Variants in SNED1 observed in about 807,000 individuals in gnomAD.
SNED1 encodes sushi, nidogen and EGF-like domain-containing protein 1.
In SNED1, 81 loss-of-function variants were observed where a neutral mutation model predicts 166.7. That is an observed-to-expected ratio of 0.49 (90% CI 0.41 to 0.58). The LOEUF is 0.58. SNED1 is among the 20% of genes least tolerant of loss of function. The probability of loss-of-function intolerance (pLI) is 0.00; values close to 1 mark genes in which losing one functional copy is unlikely to be tolerated. For missense variants in SNED1, 1,604 were observed against 2,000.2 expected (o/e 0.80, Z 3.78); for synonymous variants, 762 against 822.0 (o/e 0.93, Z 1.25).
chr2:241,095,129 C>G lies in SNED1; in HGVS notation c.*3493C>G, dbSNP rs921308799. The G allele has an allele frequency of 2.6e-5, 4 of 152,122 alleles. No homozygotes were observed. The highest frequency in any genetic ancestry group is 9.7e-5 in the African/African-American group (4 of 41,310). The allele number at this position is 152,122 out of a possible 1,614,324, so 9.4% of individuals were successfully genotyped here. A position where few individuals can be genotyped will look rare whatever the true frequency, so the allele number is the denominator to read the frequency against. On this transcript the variant is annotated 3_prime_UTR_variant, in exon 32 of 32. Coordinates refer to ENST00000310397, the MANE Select transcript of SNED1 (RefSeq NM_001080437.3). ...TCCCTGTGGCCCTGGCTTCAGCCCA[C>G]CTGCTCCATGACCCTATGCTCTTCT...
At chr2:241,061,776 T>A (rs1273332614) in intron 16 of SNED1, among the ~76,000 whole-genome samples, 1 of 150,094 alleles carries the variant, frequency 6.7e-6, no homozygotes, top group African/African-American at 2.5e-5. Context: ...TCCCAGCTAC[T>A]CGGGAGGCGG....
rs1184692146 is a variant in SNED1, at chr2:241,087,397, A to G, written c.4127A>G (p.Lys1376Arg). The G allele has an allele frequency of 6.3e-7, 1 of 1,597,720 alleles. No homozygotes were observed. Among genetic ancestry groups the G allele is most frequent in the South Asian group, 1.1e-5 (1 of 87,964 alleles). The change falls in exon 30 of 32, where the codon AAA becomes AGA. Residue 1376 changes from lysine to arginine, a missense_variant. Coordinates refer to ENST00000310397, the MANE Select transcript of SNED1 (RefSeq NM_001080437.3). ...AAGCTTTCTTGTGACAACAGGTATAAAAGAGTCTACCGAGTTCACCAAGAC... is the reference window on the plus strand; with the variant it reads ...AAGCTTTCTTGTGACAACAGGTATAGAAGAGTCTACCGAGTTCACCAAGAC... The part of the protein sequence containing the change: ...WEGGVCHHVY[K>R]RVYRVHQDIC...
intron 27 of SNED1, among the ~76,000 whole-genome samples, chr2:241,079,873 C>T (rs6437234): frequency 0.33 from 50,195 of 151,970 alleles, 12,223 homozygotes; most frequent in African/African-American, 0.67. Flanking sequence ...GTAGTAATAC[C>T]TGAATTGTTA....
At chr2:241,078,176 C>T (rs368787166) in intron 27 of SNED1, among the ~76,000 whole-genome samples, 2 of 150,356 alleles carry the variant, frequency 1.3e-5, no homozygotes, top group East Asian at 3.9e-4. Context: ...CCAGGTCAGG[C>T]GTTCGAGACA....
At position 241,091,322 on chromosome 2, in the gene SNED1, G is replaced by A. The variant is rs1056435671; in HGVS notation, c.*2-316G>A. ...TCGTTACCGGAAGGAGGAGGGCAGG[G>A]AAGAGGAACAGGCTGTGATTTCACA... On this transcript the variant is annotated intron_variant, in intron 31 of 31. Coordinates refer to ENST00000310397, the MANE Select transcript of SNED1 (RefSeq NM_001080437.3). This position sits in a 1 kb window ranked among gnomAD's most constrained non-coding sequence, Gnocchi z 4.1. Among the ~76,000 whole-genome samples, 1 of 152,234 alleles carries A rather than the reference G, an allele frequency of 6.6e-6. No individual in the cohort carries two copies. The highest frequency in any genetic ancestry group is 6.5e-5 in the Admixed American group (1 of 15,276).
Position 241,052,629 on chromosome 2 carries a change from GAGGGCCGGGGGGCCAAGC to G in SNED1, c.2083+166_2083+183del, listed in dbSNP as rs2061889322. Among the ~76,000 whole-genome samples the G allele has an allele frequency of 2.2e-5, 3 of 137,788 alleles. 1 individual carries two copies. Among genetic ancestry groups the G allele is most frequent in the Non-Finnish European group, 3.1e-5 (2 of 63,596 alleles). 90.4% of individuals were successfully genotyped at this position (137,788 alleles called of 152,430 possible). A position where few individuals can be genotyped will look rare whatever the true frequency, so the allele number is the denominator to read the frequency against. The stretch of plus-strand genomic sequence containing the variant: ...TGGGATACCAGTGCCAGGCAGGTGA[GAGGGCCGGGGGGCCAAGC>G]AGGGTACATGGGACACCGGTGCCAG... On this transcript the variant is annotated intron_variant, in intron 15 of 31. Transcript: ENST00000310397.
intron 1 of SNED1, among the ~76,000 whole-genome samples, chr2:241,029,893 G>A (rs1026935196): frequency 6.6e-6 from 1 of 152,242 alleles, no homozygotes; most frequent in Admixed American, 6.5e-5. Flanking sequence ...CTGGGGCTCC[G>A]CCTCGCCTCC....
At chr2:241,077,718 A>G (rs1377063547) in intron 27 of SNED1, among the ~76,000 whole-genome samples, 1 of 152,240 alleles carries the variant, frequency 6.6e-6, no homozygotes, top group Non-Finnish European at 1.5e-5. Flanking sequence ...CAAGGAAGAT[A>G]TGCAAATGGC....
chr2:241,078,287 G>A (rs2063137636), intron 27 of SNED1, among the ~76,000 whole-genome samples: 1 of 151,426 alleles, frequency 6.6e-6, no homozygotes, highest in African/African-American at 2.4e-5. Context: ...GGAGGCTGAG[G>A]CAGGAGAATC....
Position 241,068,789 on chromosome 2 carries a change from C to A in SNED1, c.3195-122C>A, listed in dbSNP as rs2062578010. 3 of 674,612 alleles carry A rather than the reference C, an allele frequency of 4.4e-6. No individual in the cohort carries two copies. The highest frequency in any genetic ancestry group is 7.7e-6 in the Non-Finnish European group (3 of 391,804). The allele number at this position is 674,612 out of a possible 1,614,324, so 41.8% of individuals were successfully genotyped here. On this transcript the variant is annotated intron_variant, in intron 22 of 31. Coordinates refer to ENST00000310397, the MANE Select transcript of SNED1 (RefSeq NM_001080437.3). This position sits in a 1 kb window ranked among gnomAD's most constrained non-coding sequence, Gnocchi z 5.3. Reference sequence around the variant, plus strand: ...CTGCCCCTCGTGGAGGTTGCCTGGGCCACCAGCAGCAGGATGACCTCCCCG... The same window carrying A: ...CTGCCCCTCGTGGAGGTTGCCTGGGACACCAGCAGCAGGATGACCTCCCCG...
rs1023047826 is a variant in SNED1 at position 241,075,687 on chromosome 2, T to C, written c.3916+2323T>C. ...CCCTGTTCTTGGTGGTACTTCCTAA[T>C]AGAGAAAAGTTCATAATCAAATTTA... is the stretch of plus-strand genomic sequence containing the variant. On this transcript the variant is annotated intron_variant, in intron 27 of 31. Transcript: ENST00000310397. The surrounding 1 kb of genome is among the most constrained non-coding windows in gnomAD (Gnocchi z 4.8). 1.3e-5 allele frequency: 2 copies of C among 152,202 alleles called. No homozygotes were observed. The highest frequency in any genetic ancestry group is 2.4e-5 in the African/African-American group (1 of 41,458). The allele number at this position is 152,202 out of a possible 1,614,324, so 9.4% of individuals were successfully genotyped here.
intron 6 of SNED1, among the ~76,000 whole-genome samples, chr2:241,039,611 G>A (rs988676198): frequency 5.3e-5 from 8 of 152,156 alleles, no homozygotes; most frequent in East Asian, 1.9e-4. Context: ...TGCCCTGGCC[G>A]TTCCTGCACA....
intron 11 of SNED1, among the ~76,000 whole-genome samples, chr2:241,049,590 G>A (rs1441079627): frequency 6.6e-6 from 1 of 152,168 alleles, no homozygotes; most frequent in Admixed American, 6.5e-5. Context: ...CTGCCTCGTA[G>A]AAGACGGAAG....
chr2:241,040,046 A>G (rs370361516), intron 6 of SNED1, 29 bp from the exon 7 acceptor site: 115 of 1,518,186 alleles, frequency 7.6e-5, no homozygotes, highest in Non-Finnish European at 9.1e-5. Context: ...CTGGGAGTCC[A>G]TCGTCCTGTC....
intron 21 of SNED1, among the ~76,000 whole-genome samples, chr2:241,066,563 G>T (rs374363981): frequency 1.3e-5 from 2 of 152,104 alleles, no homozygotes; most frequent in East Asian, 3.9e-4. Flanking sequence ...TGGGGAAGGG[G>T]TGCTAGAGGC....
At chr2:241,054,106 A>G (rs912647278) in intron 16 of SNED1, among the ~76,000 whole-genome samples, 2 of 145,092 alleles carry the variant, frequency 1.4e-5, no homozygotes, top group African/African-American at 5.3e-5. Flanking sequence ...CCTGGCTTCA[A>G]GCATCCCTCC....
rs756388828 is a variant in SNED1, at chr2:241,067,869, G to A, written c.3116G>A (p.Arg1039His). 3.5e-5 allele frequency: 56 copies of A among 1,613,374 alleles called. No individual in the cohort carries two copies. The highest frequency in any genetic ancestry group is 4.2e-5 in the Non-Finnish European group (50 of 1,179,848). The change falls in exon 22 of 32, where the codon CGT becomes CAT. Residue 1039 changes from arginine (R) to histidine (H), a missense_variant. This residue lies in a region of SNED1 where 1,237 missense variants were observed against 1,620.8 expected (regional missense o/e 0.76). Transcript: ENST00000310397. The part of the protein sequence containing the change: ...RIRHATVSGV[R>H]VSIRHPEALR... ...CGCCATGCCACCGTCAGTGGGGTCC[G>A]TGTGTCCATCCGCCACCCTGAGGCC... is the stretch of plus-strand genomic sequence containing the variant.
intron 16 of SNED1, 66 bp downstream of exon 16, chr2:241,053,392 A>G (rs2061942435): frequency 5.4e-6 from 8 of 1,472,012 alleles, no homozygotes; most frequent in Non-Finnish European, 5.5e-6. Context: ...GGCCATGTGG[A>G]GGAGCACAGG....
At chr2:241,084,246 C>T (rs1019338599) in intron 29 of SNED1, among the ~76,000 whole-genome samples, 7 of 150,782 alleles carry the variant, frequency 4.6e-5, no homozygotes, top group African/African-American at 1.5e-4. Flanking sequence ...AAGCAATTCT[C>T]CTGCCTCAGC....
Sources: gnomAD v4.1 joint callset for allele counts (sites outside exome capture counted in the v4.1 genomes callset) on GRCh38, gnomAD v4.1.1 for gene constraint, gnomAD v4.1.1 regional missense constraint, Gnocchi (gnomAD v3.1) non-coding constraint, MANE v1.5 for transcripts, NCBI Gene and HGNC (gene_info 2026-07-23, HGNC 2026-07-21) for gene names.